The following PCSK5 variants were observed in gnomAD, a reference collection of about 807,000 sequenced individuals.
The protein encoded by PCSK5 is prohormone convertase 5.
Under a neutral mutation model 233.2 loss-of-function variants are expected in PCSK5, and 129 were observed. That is an observed-to-expected ratio of 0.55 (90% confidence interval 0.48 to 0.64). The LOEUF (loss-of-function observed/expected upper bound fraction) is 0.64. Among genes scored for constraint, PCSK5 ranks in the 30% least tolerant of loss-of-function variants. The pLI, the probability that PCSK5 is intolerant of heterozygous loss-of-function variation, is 0.00. For synonymous variants in PCSK5, 825 were observed against 879.2 expected (o/e 0.94, Z 1.09); for missense variants, 2,076 against 2,430.1 (o/e 0.85, Z 3.06).
At chr9:76,336,502 C>T (rs1485395814) in intron 34 of PCSK5, among the ~76,000 whole-genome samples, 1 of 152,056 alleles carries the variant, frequency 6.6e-6, no homozygotes. Context: ...CTTTGTTTGC[C>T]TTCAATTAAT....
chr9:75,963,015 A>G (rs1298081666), intron 2 of PCSK5, among the ~76,000 whole-genome samples: 7 of 152,178 alleles, frequency 4.6e-5, no homozygotes, highest in African/African-American at 1.7e-4. Flanking sequence ...CTCATCCATA[A>G]TAATGTCATT....
At chr9:75,997,933 G>A (rs1207550585) in intron 3 of PCSK5, among the ~76,000 whole-genome samples, 1 of 152,142 alleles carries the variant, frequency 6.6e-6, no homozygotes, top group Non-Finnish European at 1.5e-5. Context: ...TTCCTGGTGA[G>A]TTGAATTTGA....
At chr9:76,070,731 G>A (rs1470783401) in intron 6 of PCSK5, among the ~76,000 whole-genome samples, 3 of 152,062 alleles carry the variant, frequency 2.0e-5, no homozygotes, top group Non-Finnish European at 2.9e-5. Context: ...ATTTCTACCA[G>A]TATTCCCACC....
intron 3 of PCSK5, among the ~76,000 whole-genome samples, chr9:76,016,252 T>G (rs912653699): frequency 2.0e-5 from 3 of 152,212 alleles, no homozygotes; most frequent in African/African-American, 7.2e-5. Context: ...CTGTTTCCAG[T>G]GGTACACTGG....
chr9:76,015,620 C>T (rs965170849), intron 3 of PCSK5, among the ~76,000 whole-genome samples: 29 of 152,254 alleles, frequency 1.9e-4, no homozygotes, highest in East Asian at 1.2e-3. Flanking sequence ...ACTGGGTTTT[C>T]ATTGAAAAGA....
chr9:75,897,393 C>T (rs769435210), intron 1 of PCSK5, among the ~76,000 whole-genome samples: 5 of 151,274 alleles, frequency 3.3e-5, no homozygotes, highest in Non-Finnish European at 7.4e-5. Context: ...GGGCAACTGA[C>T]AAGAAAACCA....
chr9:76,319,932 G>A (rs527733936), intron 30 of PCSK5, among the ~76,000 whole-genome samples: 3 of 152,054 alleles, frequency 2.0e-5, no homozygotes, highest in Admixed American at 6.6e-5. Context: ...TCTCTGCTTC[G>A]GCTACCTAAA....
chr9:76,246,979 G>A (rs1826627237), intron 24 of PCSK5, among the ~76,000 whole-genome samples: 1 of 152,226 alleles, frequency 6.6e-6, no homozygotes, highest in African/African-American at 2.4e-5. Flanking sequence ...TCCAAGGAAC[G>A]GAATCTTGCG....
chr9:75,965,529 C>T (rs1418050351), intron 2 of PCSK5, among the ~76,000 whole-genome samples: 1 of 152,138 alleles, frequency 6.6e-6, no homozygotes, highest in Non-Finnish European at 1.5e-5. Flanking sequence ...AATGCATCCT[C>T]CCTTCTTCTG....
chr9:76,184,835 CAAGTAAAT>C, intron 17 of PCSK5, 78 bp downstream of exon 17: 1 of 863,950 alleles, frequency 1.2e-6, no homozygotes, highest in South Asian at 1.6e-5. Flanking sequence ...AAATGATAAA[CAAGTAAAT>C]AAACAGCTCT....
At chr9:76,199,336 G>A (rs1202064940) in intron 20 of PCSK5, among the ~76,000 whole-genome samples, 7 of 152,172 alleles carry the variant, frequency 4.6e-5, no homozygotes, top group African/African-American at 1.7e-4. Flanking sequence ...AAAAGGTATG[G>A]TAAATATATG....
intron 27 of PCSK5, among the ~76,000 whole-genome samples, chr9:76,297,766 AAG>A (rs1371465984): frequency 6.6e-6 from 1 of 152,210 alleles, no homozygotes; most frequent in African/African-American, 2.4e-5. Flanking sequence ...ACGGCAGCCG[AAG>A]AGAGTGCTGT....
At chr9:75,933,314 A>G (rs1823894496) in intron 2 of PCSK5, among the ~76,000 whole-genome samples, 1 of 152,166 alleles carries the variant, frequency 6.6e-6, no homozygotes, top group Non-Finnish European at 1.5e-5. Context: ...GTAAAGGGGA[A>G]GAGGGCGCAT....
chr9:76,337,232 T>G (rs1829702401), intron 34 of PCSK5, among the ~76,000 whole-genome samples: 1 of 151,000 alleles, frequency 6.6e-6, no homozygotes, highest in African/African-American at 2.4e-5. Flanking sequence ...TAGAGTGCAG[T>G]GGTGTGCTCT....
In PCSK5 at chr9:76,188,814, G is replaced by T. The variant is rs1824227151; in HGVS notation, c.2380+139G>T. The T allele has an allele frequency of 4.5e-6, 3 of 672,490 alleles. No individual in the cohort carries two copies. The African/African-American group carries it at 5.4e-5, about 12-fold the overall frequency. The allele number at this position is 672,490 out of a possible 1,614,324, so 41.7% of individuals were successfully genotyped here. ...TTTATTTCTCGTTTGATAATTGTGT[G>T]TGTATTCTCATTGAAAGTCAAGCAG... On this transcript the variant is annotated intron_variant, in intron 18 of 37. Coordinates refer to ENST00000674117, the MANE Select transcript of PCSK5 (RefSeq NM_001372043.1).
chr9:76,088,052 A>G (rs1028590324), intron 7 of PCSK5, among the ~76,000 whole-genome samples: 1 of 152,230 alleles, frequency 6.6e-6, no homozygotes, highest in Non-Finnish European at 1.5e-5. Context: ...GTGAATAATG[A>G]AGGTACTCCC....
intron 1 of PCSK5, among the ~76,000 whole-genome samples, chr9:75,914,496 T>C (rs1308050029): frequency 6.6e-6 from 1 of 152,124 alleles, no homozygotes; most frequent in Non-Finnish European, 1.5e-5. Flanking sequence ...GATGACCCAA[T>C]GACCTAAAAC....
chr9:76,262,247 G>T (rs1827198599), intron 24 of PCSK5, among the ~76,000 whole-genome samples: 1 of 152,054 alleles, frequency 6.6e-6, no homozygotes, highest in Non-Finnish European at 1.5e-5. Context: ...AGCTACCAAT[G>T]ACTTTCTTCA....
chr9:76,193,342 T>C (rs770139993), intron 20 of PCSK5: 1 of 1,610,972 alleles, frequency 6.2e-7, no homozygotes, highest in South Asian at 1.1e-5. Flanking sequence ...ACATGTACAT[T>C]TCAAGGCTGA....
Sources: allele counts gnomAD v4.1 joint callset (sites outside exome capture counted in the v4.1 genomes callset), GRCh38; gene constraint gnomAD v4.1.1; transcripts MANE v1.5; gene names NCBI Gene and HGNC (gene_info 2026-07-23, HGNC 2026-07-21).